Variants in ADGRB3 observed in about 807,000 individuals in gnomAD.
The protein encoded by ADGRB3 is brain-specific angiogenesis inhibitor 3.
In ADGRB3, 37 loss-of-function variants were observed where a neutral mutation model predicts 193.4. That is an observed-to-expected ratio of 0.19 (90% confidence interval 0.15 to 0.25). ADGRB3 has a LOEUF of 0.25. Among genes scored for constraint, ADGRB3 ranks in the 10% least tolerant of loss-of-function variants. The pLI is 1.00. For missense variants in ADGRB3, 1,637 were observed against 1,852.9 expected, an observed-to-expected ratio of 0.88 and a Z score of 2.14; for synonymous variants, 690 against 644.2, an observed-to-expected ratio of 1.07 and a Z score of -1.08.
At chr6:69,129,151 C>G (rs1773934586) in intron 17 of ADGRB3, among the ~76,000 whole-genome samples, 1 of 152,122 alleles carries the variant, frequency 6.6e-6, no homozygotes, top group African/African-American at 2.4e-5. Flanking sequence ...CTATTATCTT[C>G]TTTAGACACA....
At chr6:68,934,190 C>A (rs1249707537) in intron 4 of ADGRB3, among the ~76,000 whole-genome samples, 1 of 152,058 alleles carries the variant, frequency 6.6e-6, no homozygotes, top group African/African-American at 2.4e-5. Context: ...ATTTCACTGG[C>A]AAAATTTTAA....
At position 69,014,136 on chromosome 6, in the gene ADGRB3, G is replaced by A. The variant is rs199971546; in HGVS notation, c.1998+30G>A. The A allele has an allele frequency of 2.6e-4, 385 of 1,505,582 alleles. 2 individuals carry two copies. In the African/African-American group the frequency reaches 4.1e-3, roughly 16 times the overall value. The allele number at this position is 1,505,582 out of a possible 1,614,324, so 93.3% of individuals were successfully genotyped here. ...GGTTAGGGTTATTTCAGAACTTGAA[G>A]TTGGCAAAACAAAGTGTAAAAAATA... On this transcript the variant is annotated intron_variant, in intron 12 of 31. Transcript: ENST00000370598.
At chr6:68,772,198 A>G (rs546264250) in intron 3 of ADGRB3, among the ~76,000 whole-genome samples, 1 of 152,198 alleles carries the variant, frequency 6.6e-6, no homozygotes, top group Admixed American at 6.5e-5. Flanking sequence ...GCAAAACTGA[A>G]AAGGCCTAGC....
At chr6:69,380,400 A>T (rs1010310853) in intron 30 of ADGRB3, among the ~76,000 whole-genome samples, 1 of 151,984 alleles carries the variant, frequency 6.6e-6, no homozygotes, top group Admixed American at 6.6e-5. Context: ...TGGAGACTTC[A>T]CAAACAAAAA....
intron 17 of ADGRB3, among the ~76,000 whole-genome samples, chr6:69,218,979 C>T (rs1451678647): frequency 6.6e-6 from 1 of 152,102 alleles, no homozygotes; most frequent in East Asian, 1.9e-4. Context: ...AATGTAGTTA[C>T]TGTACTTCCC....
intron 3 of ADGRB3, among the ~76,000 whole-genome samples, chr6:68,699,364 T>G (rs1202016825): frequency 6.6e-6 from 1 of 152,132 alleles, no homozygotes; most frequent in African/African-American, 2.4e-5. Flanking sequence ...GATCAGTATT[T>G]CAAAGATCTT....
chr6:68,711,135 C>T (rs554801248), intron 3 of ADGRB3, among the ~76,000 whole-genome samples: 4 of 152,154 alleles, frequency 2.6e-5, no homozygotes, highest in East Asian at 1.9e-4. Flanking sequence ...CCTCATGGAA[C>T]GAGGGCAATT....
At chr6:68,866,396 C>T (rs796389100) in intron 3 of ADGRB3, among the ~76,000 whole-genome samples, 4 of 152,306 alleles carry the variant, frequency 2.6e-5, no homozygotes, top group African/African-American at 9.6e-5. Flanking sequence ...TTGCTAGTTT[C>T]CTGAGGCCTC....
intron 3 of ADGRB3, among the ~76,000 whole-genome samples, chr6:68,760,322 G>A (rs1766374119): frequency 6.6e-6 from 1 of 152,164 alleles, no homozygotes. Flanking sequence ...ATATACTTCA[G>A]TAATGCAGAT....
intron 17 of ADGRB3, among the ~76,000 whole-genome samples, chr6:69,206,371 TCTC>T (rs1765541790): frequency 6.6e-6 from 1 of 151,980 alleles, no homozygotes; most frequent in Non-Finnish European, 1.5e-5. Context: ...CAAATGTTAA[TCTC>T]CTTTGGCAAT....
intron 3 of ADGRB3, among the ~76,000 whole-genome samples, chr6:68,671,064 A>C (rs1245251070): frequency 6.6e-6 from 1 of 151,924 alleles, no homozygotes; most frequent in Non-Finnish European, 1.5e-5. Flanking sequence ...CAGATTGTTC[A>C]CTGTCGGTAT....
chr6:69,147,990 T>G (rs1367988811), intron 17 of ADGRB3, among the ~76,000 whole-genome samples: 1 of 152,194 alleles, frequency 6.6e-6, no homozygotes, highest in African/African-American at 2.4e-5. Flanking sequence ...GCAACATCTT[T>G]TTCCATCCCT....
At chr6:68,700,227 C>A (rs978623089) in intron 3 of ADGRB3, among the ~76,000 whole-genome samples, 1 of 152,046 alleles carries the variant, frequency 6.6e-6, no homozygotes, top group Non-Finnish European at 1.5e-5. Flanking sequence ...GGACACAGGG[C>A]AGAAGTTTCA....
At chr6:68,691,036 A>T (rs1314121172) in intron 3 of ADGRB3, among the ~76,000 whole-genome samples, 1 of 152,108 alleles carries the variant, frequency 6.6e-6, no homozygotes, top group Admixed American at 6.6e-5. Context: ...ATATTAGGAA[A>T]TTGATGATTG....
chr6:68,975,340 A>G lies in ADGRB3; in HGVS notation c.1734A>G (p.Ser578=). The G allele has an allele frequency of 6.2e-7, 1 of 1,610,676 alleles. No homozygotes were observed. Among genetic ancestry groups the G allele is most frequent in the Non-Finnish European group, 8.5e-7 (1 of 1,177,048 alleles). ...ATGAGTACAGACACTTGCAGCATTC[A>G]GTAGGTGCAAAGCCAGCTTTAGTAC... is the stretch of plus-strand genomic sequence containing the variant. ...ISNEYRHLQH[S]IKEHLAKGQR... The change falls in exon 10 of 32, where the codon TCA becomes TCG. Residue 578 remains serine, a splice_region_variant and synonymous_variant. Transcript: ENST00000370598.
chr6:68,988,942 A>G (rs1171095281), intron 10 of ADGRB3, among the ~76,000 whole-genome samples: 5 of 152,194 alleles, frequency 3.3e-5, no homozygotes, highest in African/African-American at 4.8e-5. Flanking sequence ...GTCTGAACCA[A>G]GAACAGATGG....
chr6:69,314,707 A>T (rs1157861351), intron 20 of ADGRB3, among the ~76,000 whole-genome samples: 1 of 151,604 alleles, frequency 6.6e-6, no homozygotes, highest in Admixed American at 6.6e-5. Context: ...ACTTGGGTCT[A>T]TGAGAGAGGT....
chr6:69,347,029 TA>T (rs1769108700), intron 26 of ADGRB3, among the ~76,000 whole-genome samples: 12 of 152,016 alleles, frequency 7.9e-5, no homozygotes, highest in Admixed American at 2.6e-4. Context: ...TACGCAGCCA[TA>T]AAAAGGATGG....
At position 69,355,938 on chromosome 6, in the gene ADGRB3, G is replaced by T. The variant is rs958609885; in HGVS notation, c.3595+78G>T. 1.0e-5 allele frequency: 13 copies of T among 1,277,662 alleles called. No homozygotes were observed. The African/African-American group carries it at 1.8e-4, about 18-fold the overall frequency. 79.1% of individuals were successfully genotyped at this position (1,277,662 alleles called of 1,614,324 possible). On this transcript the variant is annotated intron_variant, in intron 28 of 31. Transcript: ENST00000370598. The stretch of plus-strand genomic sequence containing the variant: ...TATAGATTTTAATTTTAAAGAAAAT[G>T]CTGTGGTTTACACATTACATATTGT...
Sources: gnomAD v4.1 joint callset for allele counts (sites outside exome capture counted in the v4.1 genomes callset) on GRCh38, gnomAD v4.1.1 for gene constraint, MANE v1.5 for transcripts, NCBI Gene and HGNC (gene_info 2026-07-23, HGNC 2026-07-21) for gene names.